EPHA8: variants seen among roughly 807,000 people sequenced by gnomAD.
EPHA8 encodes the protein ephrin type-A receptor 8.
A neutral mutation model predicts 103.6 loss-of-function variants in EPHA8; 58 were observed. The ratio of observed to expected loss-of-function variants is 0.56; its 90% CI spans 0.45 to 0.70. EPHA8 has a LOEUF of 0.70. Among genes scored for constraint, EPHA8 ranks in the 30% least tolerant of loss-of-function variants. The pLI, the probability that EPHA8 is intolerant of heterozygous loss-of-function variation, is 0.00. For synonymous variants in EPHA8, 559 were observed against 572.5 expected, an observed-to-expected ratio of 0.98 and a Z score of 0.34; for missense variants, 1,304 against 1,395.2, an observed-to-expected ratio of 0.93 and a Z score of 1.04.
chr1:22,595,126 C>A, intron 7 of EPHA8, 104 bp from the exon 8 acceptor site: 1 of 925,204 alleles, frequency 1.1e-6, no homozygotes, highest in Non-Finnish European at 1.6e-6. Flanking sequence ...GGGCTCCCCA[C>A]TGGCCCCAGG....
chr1:22,585,862 T>C (rs1368928898), intron 3 of EPHA8, among the ~76,000 whole-genome samples: 4 of 152,320 alleles, frequency 2.6e-5, no homozygotes, highest in Admixed American at 2.6e-4. Flanking sequence ...GTACCGGCCC[T>C]GGCTCTTCTA....
At chr1:22,585,499 C>T (rs377344568) in intron 3 of EPHA8, among the ~76,000 whole-genome samples, 8 of 152,342 alleles carry the variant, frequency 5.3e-5, no homozygotes, top group African/African-American at 1.9e-4. Context: ...ACCCTTCCAT[C>T]ACCTTAGCCC....
chr1:22,595,185 C>T, intron 7 of EPHA8, 45 bp from the exon 8 acceptor site: 1 of 1,538,690 alleles, frequency 6.5e-7, no homozygotes, highest in Non-Finnish European at 8.9e-7. Context: ...GGGCCCAAGG[C>T]CAGGGCTGAG....
Position 22,599,620 on chromosome 1 carries a change from A to C in EPHA8, c.2388+573A>C, listed in dbSNP as rs576571182. On this transcript the variant is annotated intron_variant, in intron 13 of 16. Transcript: ENST00000166244. Reference sequence around the variant, plus strand: ...AGTGGAGAGAGGGAGGGAGGGAGGAAGAAGGGAAGGAAGGAAGGGAGGGAG... The same window carrying C: ...AGTGGAGAGAGGGAGGGAGGGAGGACGAAGGGAAGGAAGGAAGGGAGGGAG... 5.6e-5 allele frequency among the ~76,000 whole-genome samples: 6 copies of C among 106,782 alleles called. No homozygotes were observed. The East Asian group carries it at 1.5e-3, about 26-fold the overall frequency. 70.1% of individuals were successfully genotyped at this position (106,782 alleles called of 152,430 possible).
chr1:22,602,037 C>T lies in EPHA8; in HGVS notation c.*296C>T, dbSNP rs754993110. The T allele has an allele frequency of 8.8e-5, 46 of 521,940 alleles. No homozygotes were observed. The highest frequency in any genetic ancestry group is 1.1e-4 in the Non-Finnish European group (32 of 297,270). The allele number at this position is 521,940 out of a possible 1,614,324, so 32.3% of individuals were successfully genotyped here. Reference sequence around the variant, plus strand: ...GTCCAACAGGGACATCACTCGCCTGCCTCTGTGTGCGTGCATGTGTGTGTG... The same window carrying T: ...GTCCAACAGGGACATCACTCGCCTGTCTCTGTGTGCGTGCATGTGTGTGTG... On this transcript the variant is annotated 3_prime_UTR_variant, in exon 17 of 17. Transcript: ENST00000166244.
rs1394271825 is a variant in EPHA8 at position 22,569,393 on chromosome 1, A to C, written c.159+40A>C. On this transcript the variant is annotated intron_variant, in intron 2 of 16. Transcript: ENST00000166244. The surrounding 1 kb of genome is among the most constrained non-coding windows in gnomAD (Gnocchi z 4.5). ...CTGGGGACAACGTCATCCCTCTGTG[A>C]GCAGAGAGAGGCTGCCACTCACAGA... 6.5e-7 allele frequency: 1 copy of C among 1,539,204 alleles called. No homozygotes were observed. The highest frequency in any genetic ancestry group is 1.4e-5 in the African/African-American group (1 of 72,606).
intron 3 of EPHA8, among the ~76,000 whole-genome samples, chr1:22,578,201 T>C (rs1344532521): frequency 3.1e-5 from 3 of 97,412 alleles, no homozygotes; most frequent in South Asian, 7.8e-4. Context: ...TGTGTGTGCG[T>C]GCGAGTGTGT....
At chr1:22,573,138 T>C (rs1014671818) in intron 2 of EPHA8, among the ~76,000 whole-genome samples, 4 of 152,126 alleles carry the variant, frequency 2.6e-5, no homozygotes, top group African/African-American at 9.7e-5. Flanking sequence ...CAGGGGTCCT[T>C]CTTGGGTCGG....
At chr1:22,578,892 CAT>C (rs1640922543) in intron 3 of EPHA8, among the ~76,000 whole-genome samples, 1 of 142,172 alleles carries the variant, frequency 7.0e-6, no homozygotes. Flanking sequence ...TCCGTGTGTG[CAT>C]GTGTGCATGT....
chr1:22,591,202 C>G (rs1419817443), intron 5 of EPHA8, among the ~76,000 whole-genome samples: 6 of 151,918 alleles, frequency 3.9e-5, no homozygotes, highest in African/African-American at 1.5e-4. Flanking sequence ...TCAGCCTGGG[C>G]AACATGGCAA....
intron 5 of EPHA8, among the ~76,000 whole-genome samples, chr1:22,591,929 C>A (rs1286747391): frequency 6.6e-6 from 1 of 152,190 alleles, no homozygotes. Flanking sequence ...CCTTTCCCAG[C>A]ACCAAAAGAA....
intron 9 of EPHA8, 107 bp downstream of exon 9, chr1:22,596,280 A>C (rs1641516439): frequency 1.7e-6 from 2 of 1,145,328 alleles, no homozygotes; most frequent in African/African-American, 1.5e-5. Context: ...CCAGTGAAAA[A>C]ACCAGAGCCC....
chr1:22,586,586 C>T lies in EPHA8; in HGVS notation c.930C>T (p.Asp310=). The part of the protein sequence containing the change: ...AAPAAQACHC[D]LSYYRAALDP... ...CAGCCGCCCAAGCCTGCCACTGTGA[C>T]CTCAGCTACTACCGTGCAGCCCTGG... is the stretch of plus-strand genomic sequence containing the variant. The change falls in exon 4 of 17, where the codon GAC becomes GAT. Residue 310 remains aspartate, a synonymous_variant. Coordinates refer to ENST00000166244, the MANE Select transcript of EPHA8 (RefSeq NM_020526.5). 2.5e-6 allele frequency: 4 copies of T among 1,614,000 alleles called. No individual in the cohort carries two copies. The highest frequency in any genetic ancestry group is 3.4e-6 in the Non-Finnish European group (4 of 1,179,984).
chr1:22,599,188 C>A, intron 13 of EPHA8, 141 bp downstream of exon 13: 1 of 831,984 alleles, frequency 1.2e-6, no homozygotes, highest in South Asian at 1.7e-5. Flanking sequence ...CATCCTGTTT[C>A]TCCTCTTCAC....
chr1:22,585,602 G>C (rs1048452273), intron 3 of EPHA8, among the ~76,000 whole-genome samples: 4 of 152,232 alleles, frequency 2.6e-5, no homozygotes, highest in African/African-American at 9.6e-5. Context: ...GCCTGGTCCA[G>C]AGTTGTGCTC....
intron 1 of EPHA8, among the ~76,000 whole-genome samples, chr1:22,565,064 CCACA>C (rs138745832): frequency 0.02 from 3,000 of 152,242 alleles, 101 homozygotes; most frequent in African/African-American, 0.067. Context: ...ACATCCACAG[CCACA>C]CACACAGAAA....
intron 3 of EPHA8, among the ~76,000 whole-genome samples, chr1:22,584,773 C>G (rs890442025): frequency 6.6e-6 from 1 of 152,102 alleles, no homozygotes; most frequent in Admixed American, 6.5e-5. Context: ...CTGCCCAGAG[C>G]AGATAATGGT....
At chr1:22,585,766 A>C (rs1365963844) in intron 3 of EPHA8, among the ~76,000 whole-genome samples, 1 of 152,124 alleles carries the variant, frequency 6.6e-6, no homozygotes, top group Non-Finnish European at 1.5e-5. Context: ...AGTGACGGGG[A>C]CAGTGACAGT....
chr1:22,579,260 C>G (rs183234006), intron 3 of EPHA8, among the ~76,000 whole-genome samples: 4 of 146,264 alleles, frequency 2.7e-5, no homozygotes, highest in Non-Finnish European at 6.0e-5. Flanking sequence ...TGTACATGTG[C>G]GTGCATGTGT....
Sources: allele counts gnomAD v4.1 joint callset (sites outside exome capture counted in the v4.1 genomes callset), GRCh38; gene constraint gnomAD v4.1.1; non-coding constraint Gnocchi (gnomAD v3.1); transcripts MANE v1.5; gene names NCBI Gene and HGNC (gene_info 2026-07-23, HGNC 2026-07-21).